ZNF469: variants seen among roughly 807,000 people sequenced by gnomAD.
The protein encoded by ZNF469 is zinc finger protein 469.
Under a neutral mutation model 1.0 loss-of-function variants are expected in ZNF469, and 1 was observed. The observed-to-expected ratio is 1.00, with a 90% confidence interval of 0.35 to 4.73. The LOEUF is 4.73. ZNF469 is among the 30% of genes most tolerant of loss of function. The probability of loss-of-function intolerance (pLI) is 0.16; values close to 1 mark genes in which losing one functional copy is unlikely to be tolerated. For missense variants in ZNF469, 6,100 were observed against 5,356.3 expected (o/e 1.14, Z -4.33); for synonymous variants, 2,703 against 2,363.4 (o/e 1.14, Z -4.17).
the ZNF469 span, among the ~76,000 whole-genome samples, chr16:88,219,516 G>A: frequency 1.4e-5 from 2 of 145,928 alleles, no homozygotes; most frequent in South Asian, 2.4e-4. Context: ...CAAGCAATGG[G>A]GAAAGGATTC....
At chr16:88,246,369 A>C in the ZNF469 span, among the ~76,000 whole-genome samples, 32 of 152,338 alleles carry the variant, frequency 2.1e-4, no homozygotes, top group Non-Finnish European at 3.7e-4. Context: ...GATAAGCGTC[A>C]TAGTGGGGGA....
chr16:88,429,282 C>G lies in ZNF469; in HGVS notation c.1812C>G (p.Thr604=). 1 of 1,549,902 alleles carries G rather than the reference C, an allele frequency of 6.5e-7. No homozygotes were observed. The highest frequency in any genetic ancestry group is 1.2e-5 in the South Asian group (1 of 84,062). The change falls in exon 3 of 3, where the codon ACC becomes ACG. Residue 604 remains threonine, a synonymous_variant. Coordinates refer to ENST00000565624, the MANE Select transcript of ZNF469 (RefSeq NM_001367624.2). ...CGGCCACCAACACGGCCGGCAGCAC[C>G]TGCTCTTCCCTGTCGCCGATGTCCA... ...PSPATNTAGS[T]CSSLSPMSSS...
At chr16:88,151,378 G>A in the ZNF469 span, among the ~76,000 whole-genome samples, 1 of 152,252 alleles carries the variant, frequency 6.6e-6, no homozygotes, top group Non-Finnish European at 1.5e-5. This position sits in a 1 kb window ranked among gnomAD's most constrained non-coding sequence, Gnocchi z 5.4. Flanking sequence ...AAGCCGGGGA[G>A]CGCTGGGCGG....
the ZNF469 span, among the ~76,000 whole-genome samples, chr16:88,172,887 T>C: frequency 1.3e-5 from 2 of 152,194 alleles, no homozygotes; most frequent in Admixed American, 6.5e-5. Context: ...AGAGAAACTA[T>C]AGCTATAGCT....
At chr16:88,303,950 G>A in the ZNF469 span, among the ~76,000 whole-genome samples, 1 of 152,178 alleles carries the variant, frequency 6.6e-6, no homozygotes, top group African/African-American at 2.4e-5. Context: ...GATGAGGTCT[G>A]GGGGCTGCTC....
At chr16:88,197,371 C>A in the ZNF469 span, among the ~76,000 whole-genome samples, 1 of 152,164 alleles carries the variant, frequency 6.6e-6, no homozygotes, top group East Asian at 1.9e-4. Context: ...CATGCTAAGT[C>A]CCCCACTAGT....
chr16:88,372,831 C>T, the ZNF469 span, among the ~76,000 whole-genome samples: 1 of 150,282 alleles, frequency 6.7e-6, no homozygotes, highest in East Asian at 2.0e-4. Flanking sequence ...ATGATCTTTA[C>T]CATCTTTACC....
rs1206417002 is a variant in ZNF469 at position 88,437,447 on chromosome 16, C to T, written c.9977C>T (p.Thr3326Ile). 1 of 1,526,570 alleles carries T rather than the reference C, an allele frequency of 6.6e-7. No individual in the cohort carries two copies. Among genetic ancestry groups the T allele is most frequent in the Non-Finnish European group, 8.8e-7 (1 of 1,132,884 alleles). The allele number at this position is 1,526,570 out of a possible 1,614,324, so 94.6% of individuals were successfully genotyped here. A position where few individuals can be genotyped will look rare whatever the true frequency, so the allele number is the denominator to read the frequency against. The change falls in exon 3 of 3, where the codon ACC (threonine) becomes ATC (isoleucine). Residue 3326 changes from threonine (T) to isoleucine (I), a missense_variant. By Grantham distance (89) the Thr-to-Ile change is moderately conservative. Transcript: ENST00000565624. ...WAGGEPLLQATPVHEACKDPS... is the reference protein window; with the variant it reads ...WAGGEPLLQAIPVHEACKDPS... ...GGCGGGGAGCCCCTCCTGCAAGCCA[C>T]CCCGGTGCACGAGGCCTGCAAGGAC... is the stretch of plus-strand genomic sequence containing the variant.
At chr16:88,170,873 C>G in the ZNF469 span, among the ~76,000 whole-genome samples, 551 of 152,104 alleles carry the variant, frequency 3.6e-3, 6 homozygotes, top group African/African-American at 0.012. The surrounding 1 kb of genome is among the most constrained non-coding windows in gnomAD (Gnocchi z 4.2). Context: ...GACTTTCCCT[C>G]CAACCGCGAG....
At chr16:88,283,388 T>A in the ZNF469 span, among the ~76,000 whole-genome samples, 2 of 151,900 alleles carry the variant, frequency 1.3e-5, no homozygotes, top group Non-Finnish European at 2.9e-5. Flanking sequence ...ACACCTGCCG[T>A]TTACTTTGAA....
chr16:88,179,677 CAG>C, the ZNF469 span, among the ~76,000 whole-genome samples: 1 of 152,186 alleles, frequency 6.6e-6, no homozygotes, highest in African/African-American at 2.4e-5. Context: ...GATTCCCATA[CAG>C]AGTTTGAGAA....
the ZNF469 span, among the ~76,000 whole-genome samples, chr16:88,252,823 T>A: frequency 6.6e-6 from 1 of 152,098 alleles, no homozygotes. Context: ...ATAGAACGTT[T>A]TTCACCCCAG....
the ZNF469 span, among the ~76,000 whole-genome samples, chr16:88,195,629 A>G: frequency 6.6e-6 from 1 of 152,228 alleles, no homozygotes; most frequent in Admixed American, 6.5e-5. Context: ...TGAAGGTGGT[A>G]ACAGTCCTCG....
chr16:88,233,051 C>T, the ZNF469 span, among the ~76,000 whole-genome samples: 2 of 152,194 alleles, frequency 1.3e-5, no homozygotes, highest in Non-Finnish European at 2.9e-5. Flanking sequence ...CAGCCTCCCA[C>T]GGCCCGGGGG....
the ZNF469 span, among the ~76,000 whole-genome samples, chr16:88,166,561 T>A: frequency 9.2e-5 from 14 of 152,270 alleles, no homozygotes; most frequent in East Asian, 1.5e-3. This position sits in a 1 kb window ranked among gnomAD's most constrained non-coding sequence, Gnocchi z 4.5. Flanking sequence ...GCCATCCGTG[T>A]CCCTCCTGCA....
chr16:88,356,678 A>C, the ZNF469 span, among the ~76,000 whole-genome samples: 1 of 152,008 alleles, frequency 6.6e-6, no homozygotes, highest in Admixed American at 6.6e-5. Flanking sequence ...TACATGAACA[A>C]GGCACCACGG....
At chr16:88,144,334 A>C in the ZNF469 span, among the ~76,000 whole-genome samples, 24 of 152,174 alleles carry the variant, frequency 1.6e-4, no homozygotes, top group African/African-American at 5.6e-4. Flanking sequence ...AGATGCCATA[A>C]CCAGAATAAA....
chr16:88,436,945 C>A lies in ZNF469; in HGVS notation c.9475C>A (p.Leu3159Met). The change falls in exon 3 of 3, where the codon CTG (leucine) becomes ATG (methionine). Residue 3159 changes from leucine to methionine, a missense_variant. Leu to Met is a conservative substitution (Grantham distance 15). Coordinates refer to ENST00000565624, the MANE Select transcript of ZNF469 (RefSeq NM_001367624.2). ...VERRFGSREL[L>M]RGHLQERHAQ... is the part of the protein sequence containing the mutation. ...GCGCAGGTTTGGCTCGCGGGAGCTG[C>A]TGCGGGGGCACCTGCAGGAGAGGCA... 1 of 1,494,010 alleles carries A rather than the reference C, an allele frequency of 6.7e-7. No individual in the cohort carries two copies. Among genetic ancestry groups the A allele is most frequent in the Non-Finnish European group, 8.9e-7 (1 of 1,123,176 alleles). 92.5% of individuals were successfully genotyped at this position (1,494,010 alleles called of 1,614,324 possible).
At position 88,427,500 on chromosome 16, in the gene ZNF469, GCC is replaced by G; in HGVS notation, c.35_36del (p.Pro12HisfsTer137). MPGERPRGAP[P>X]PTMTGDLQPR... ...CTGGGGAGCGCCCCCGAGGAGCGCCGCCCCCCACCATGACTGGAGACCTGCAG... is the reference window on the plus strand; with the variant it reads ...CTGGGGAGCGCCCCCGAGGAGCGCCGCCCCACCATGACTGGAGACCTGCAG... On this transcript the variant is annotated frameshift_variant, in exon 3 of 3. Coordinates refer to ENST00000565624, the MANE Select transcript of ZNF469 (RefSeq NM_001367624.2). LOFTEE classifies it low-confidence loss of function (END_TRUNC). 2 of 1,528,712 alleles carry G rather than the reference GCC, an allele frequency of 1.3e-6. No homozygotes were observed. The highest frequency in any genetic ancestry group is 1.8e-6 in the Non-Finnish European group (2 of 1,141,550). The allele number at this position is 1,528,712 out of a possible 1,614,324, so 94.7% of individuals were successfully genotyped here.
Sources: gnomAD v4.1 joint callset for allele counts (sites outside exome capture counted in the v4.1 genomes callset) on GRCh38, gnomAD v4.1.1 for gene constraint, Gnocchi (gnomAD v3.1) non-coding constraint, MANE v1.5 for transcripts, NCBI Gene and HGNC (gene_info 2026-07-23, HGNC 2026-07-21) for gene names.